The following RBFOX1 variants were observed in gnomAD, a reference collection of about 807,000 sequenced individuals.
RBFOX1 encodes the protein RNA binding protein fox-1 homolog 1.
In RBFOX1, 8 loss-of-function variants were observed where a neutral mutation model predicts 57.7. That is an observed-to-expected ratio of 0.14 (90% CI 0.08 to 0.25). The LOEUF is 0.25. Among genes scored for constraint, RBFOX1 ranks in the 10% least tolerant of loss-of-function variants. RBFOX1 has a pLI of 1.00. For missense variants in RBFOX1, 611 were observed against 548.5 expected, an observed-to-expected ratio of 1.11 and a Z score of -1.14; for synonymous variants, 326 against 222.4, an observed-to-expected ratio of 1.47 and a Z score of -4.15.
At chr16:7,000,922 G>C (rs995908717) in intron 3 of RBFOX1, among the ~76,000 whole-genome samples, 1 of 151,974 alleles carries the variant, frequency 6.6e-6, no homozygotes, top group East Asian at 1.9e-4. Flanking sequence ...AAATTTTCTT[G>C]TTTACTTCCA....
chr16:7,689,573 C>A (rs2076882903), intron 14 of RBFOX1, among the ~76,000 whole-genome samples: 1 of 152,008 alleles, frequency 6.6e-6, no homozygotes, highest in Non-Finnish European at 1.5e-5. Flanking sequence ...AGTTGAAACC[C>A]AGGAATCTAT....
chr16:6,076,132 C>G (rs1364816050), intron 1 of RBFOX1, among the ~76,000 whole-genome samples: 2 of 152,102 alleles, frequency 1.3e-5, no homozygotes, highest in South Asian at 2.1e-4. Flanking sequence ...AATCCCATCT[C>G]TAATAAAAAT....
rs534214297 is a variant in RBFOX1, at chr16:5,411,864, C to A, written c.220-55352C>A. Reference sequence around the variant, plus strand: ...CACCACTGCACTCCAGCCTGGGTGACAGAGTGAGACCCTGTCTCAAAGGAA... The same window carrying A: ...CACCACTGCACTCCAGCCTGGGTGAAAGAGTGAGACCCTGTCTCAAAGGAA... On this transcript the variant is annotated intron_variant, in intron 1 of 2. Coordinates refer to the RBFOX1 transcript ENST00000585867. Among the ~76,000 whole-genome samples the A allele has an allele frequency of 1.2e-3, 185 of 152,258 alleles. 1 individual carries two copies. Among genetic ancestry groups the A allele is most frequent in the African/African-American group, 4.1e-3 (169 of 41,552 alleles).
At chr16:5,975,769 G>C (rs1289066266) in intron 4 of RBFOX1, among the ~76,000 whole-genome samples, 1 of 152,166 alleles carries the variant, frequency 6.6e-6, no homozygotes, top group Non-Finnish European at 1.5e-5. Flanking sequence ...TGCTGCTTTG[G>C]GTAGAGCAGT....
At chr16:7,352,900 G>C (rs1410058108) in intron 4 of RBFOX1, among the ~76,000 whole-genome samples, 1 of 151,948 alleles carries the variant, frequency 6.6e-6, no homozygotes, top group Non-Finnish European at 1.5e-5. Context: ...ATTTTTTGTA[G>C]AGATGAAATT....
intron 3 of RBFOX1, among the ~76,000 whole-genome samples, chr16:6,922,372 A>G (rs994914205): frequency 6.6e-6 from 1 of 152,178 alleles, no homozygotes; most frequent in Non-Finnish European, 1.5e-5. Context: ...CAAGCCCACT[A>G]AAGAACATCT....
chr16:6,512,720 C>G (rs181257935), intron 2 of RBFOX1, among the ~76,000 whole-genome samples: 1 of 152,108 alleles, frequency 6.6e-6, no homozygotes, highest in Admixed American at 6.5e-5. Flanking sequence ...TTTTGGAGAC[C>G]GTGACGTCAC....
At chr16:6,036,760 A>G (rs1402137657) in intron 1 of RBFOX1, among the ~76,000 whole-genome samples, 1 of 152,322 alleles carries the variant, frequency 6.6e-6, no homozygotes, top group South Asian at 2.1e-4. Context: ...GTGAACTTCA[A>G]GGGCTTGAAA....
intron 3 of RBFOX1, among the ~76,000 whole-genome samples, chr16:6,996,630 A>G (rs2092273751): frequency 6.6e-6 from 1 of 152,228 alleles, no homozygotes; most frequent in Non-Finnish European, 1.5e-5. Context: ...CAATGGGGAC[A>G]GTGACGCACA....
chr16:7,159,753 C>G (rs1402661148), intron 4 of RBFOX1, among the ~76,000 whole-genome samples: 1 of 152,178 alleles, frequency 6.6e-6, no homozygotes. Flanking sequence ...AAATTTCTGT[C>G]TTTCCTCCCT....
At chr16:7,042,370 C>G (rs563305341) in intron 3 of RBFOX1, among the ~76,000 whole-genome samples, 2 of 152,124 alleles carry the variant, frequency 1.3e-5, no homozygotes, top group Non-Finnish European at 2.9e-5. Context: ...GAGAGGAAAC[C>G]TAGTCAACCC....
chr16:6,650,044 C>T (rs745812666), intron 2 of RBFOX1, among the ~76,000 whole-genome samples: 4 of 152,144 alleles, frequency 2.6e-5, no homozygotes, highest in Non-Finnish European at 5.9e-5. Context: ...GTGCAGAGAT[C>T]TCTTTGACAT....
chr16:5,399,003 A>G (rs963415804), intron 1 of RBFOX1, among the ~76,000 whole-genome samples: 75 of 152,254 alleles, frequency 4.9e-4, no homozygotes, highest in African/African-American at 1.8e-3. Context: ...CCCGCATTTG[A>G]GGGCCGCAGT....
chr16:7,580,471 A>C (rs754064805), intron 6 of RBFOX1, among the ~76,000 whole-genome samples: 5 of 152,274 alleles, frequency 3.3e-5, no homozygotes, highest in Middle Eastern at 6.8e-3. Context: ...ATGAGCTACC[A>C]GTTTCTAAGT....
intron 4 of RBFOX1, among the ~76,000 whole-genome samples, chr16:5,883,317 T>A (rs1408974416): frequency 6.6e-6 from 1 of 152,158 alleles, no homozygotes; most frequent in Non-Finnish European, 1.5e-5. Flanking sequence ...AAAATCTCTC[T>A]TACCCCGAAA....
upstream of RBFOX1, among the ~76,000 whole-genome samples, chr16:6,014,331 A>G (rs1243776621): frequency 6.6e-6 from 1 of 152,168 alleles, no homozygotes; most frequent in African/African-American, 2.4e-5. Context: ...AGGAAAAGGA[A>G]TGAGCCCAAG....
intron 3 of RBFOX1, among the ~76,000 whole-genome samples, chr16:6,676,672 T>TC (rs1206067414): frequency 7.6e-6 from 1 of 131,142 alleles, no homozygotes; most frequent in East Asian, 2.2e-4. Flanking sequence ...GTTTTTCTTT[T>TC]CTTTTTTTTT....
At chr16:7,268,371 C>T (rs1025948632) in intron 4 of RBFOX1, among the ~76,000 whole-genome samples, 1 of 152,156 alleles carries the variant, frequency 6.6e-6, no homozygotes, top group African/African-American at 2.4e-5. Context: ...TCCAGGCAGC[C>T]TTGGAGGACT....
chr16:7,151,574 C>G (rs552203316), intron 4 of RBFOX1, among the ~76,000 whole-genome samples: 51 of 152,232 alleles, frequency 3.4e-4, no homozygotes, highest in African/African-American at 1.2e-3. Flanking sequence ...TCATGGAAGA[C>G]AATTTTTTCC....
Sources: gnomAD v4.1 joint callset for allele counts (sites outside exome capture counted in the v4.1 genomes callset) on GRCh38, gnomAD v4.1.1 for gene constraint, MANE v1.5 for transcripts, NCBI Gene and HGNC (gene_info 2026-07-23, HGNC 2026-07-21) for gene names.